SEMA6D: variants seen among roughly 807,000 people sequenced by gnomAD.
SEMA6D encodes semaphorin-6D.
A neutral mutation model predicts 106.6 loss-of-function variants in SEMA6D; 35 were observed. The observed-to-expected ratio is 0.33, with a 90% CI of 0.25 to 0.44. The LOEUF (loss-of-function observed/expected upper bound fraction) is 0.44, where lower values mean the gene tolerates loss of function less well. Among genes scored for constraint, SEMA6D ranks in the 20% least tolerant of loss-of-function variants. The pLI, the probability that SEMA6D is intolerant of heterozygous loss-of-function variation, is 1.00. For synonymous variants in SEMA6D, 499 were observed against 487.7 expected (o/e 1.02, Z -0.31); for missense variants, 1,185 against 1,345.9 (o/e 0.88, Z 1.87).
intron 1 of SEMA6D, among the ~76,000 whole-genome samples, chr15:47,193,228 CAATATT>C (rs1157413392): frequency 4.6e-5 from 7 of 152,216 alleles, no homozygotes; most frequent in African/African-American, 1.4e-4. Context: ...ATAAAATTGA[CAATATT>C]AATACATATC....
intron 4 of SEMA6D, among the ~76,000 whole-genome samples, chr15:47,631,676 A>G (rs2077295629): frequency 6.6e-6 from 1 of 151,978 alleles, no homozygotes; most frequent in Non-Finnish European, 1.5e-5. Flanking sequence ...AGAAGCTGGA[A>G]TATCAAGGAA....
At chr15:47,289,335 A>C (rs1295519961) in intron 1 of SEMA6D, among the ~76,000 whole-genome samples, 2 of 141,290 alleles carry the variant, frequency 1.4e-5, no homozygotes, top group African/African-American at 5.2e-5. Flanking sequence ...CGGAGGTTTC[A>C]GTGGGCCAAG....
At chr15:47,299,090 T>A (rs986634132) in intron 1 of SEMA6D, among the ~76,000 whole-genome samples, 8 of 152,080 alleles carry the variant, frequency 5.3e-5, no homozygotes, top group Admixed American at 5.2e-4. Flanking sequence ...GCGGGAAGGC[T>A]GGGATGGCAG....
intron 2 of SEMA6D, among the ~76,000 whole-genome samples, chr15:47,465,720 C>T (rs2042637867): frequency 6.6e-6 from 1 of 152,132 alleles, no homozygotes; most frequent in Non-Finnish European, 1.5e-5. Flanking sequence ...TTTCTCTTTG[C>T]CTTCTACCAT....
At chr15:47,437,623 A>G (rs1345337672) in intron 2 of SEMA6D, among the ~76,000 whole-genome samples, 2 of 152,134 alleles carry the variant, frequency 1.3e-5, no homozygotes, top group African/African-American at 4.8e-5. Flanking sequence ...CTCTCACCTT[A>G]GATACCAACC....
chr15:47,451,322 A>G (rs1345069836), intron 2 of SEMA6D, among the ~76,000 whole-genome samples: 1 of 152,024 alleles, frequency 6.6e-6, no homozygotes, highest in Non-Finnish European at 1.5e-5. Context: ...AGCTTCCTCA[A>G]AGAGGCCTGT....
intron 1 of SEMA6D, among the ~76,000 whole-genome samples, chr15:47,354,415 A>G (rs1487366042): frequency 1.4e-5 from 2 of 147,716 alleles, no homozygotes; most frequent in South Asian, 2.1e-4. Context: ...ATGAGAGAGC[A>G]TATACATATA....
chr15:47,566,028 T>A (rs552920494), intron 3 of SEMA6D, among the ~76,000 whole-genome samples: 1 of 152,324 alleles, frequency 6.6e-6, no homozygotes, highest in Admixed American at 6.5e-5. Context: ...TATACAGGGA[T>A]ATAGGCCTTC....
rs550914053 is a variant in SEMA6D, at chr15:47,482,684, G to A, written c.-87+12139G>A. Among the ~76,000 whole-genome samples the A allele has an allele frequency of 3.3e-5, 5 of 152,262 alleles. No homozygotes were observed. The South Asian group carries it at 1.0e-3, about 32-fold the overall frequency. The stretch of plus-strand genomic sequence containing the variant: ...TGAGGAAAAATGATGAGTAGGAAAT[G>A]AGTGAAACGTAGAAAGCTAAGCGAC... On this transcript the variant is annotated intron_variant, in intron 3 of 19. Coordinates refer to the SEMA6D transcript ENST00000558014.
intron 1 of SEMA6D, among the ~76,000 whole-genome samples, chr15:47,338,367 C>A (rs2037659359): frequency 6.6e-6 from 1 of 152,134 alleles, no homozygotes. Flanking sequence ...GAGACCACTT[C>A]TGTTTTTGGA....
At chr15:47,376,844 C>T (rs564361081) in intron 1 of SEMA6D, among the ~76,000 whole-genome samples, 54 of 152,112 alleles carry the variant, frequency 3.6e-4, no homozygotes, top group Non-Finnish European at 1.6e-4. Flanking sequence ...ATTGTTCAGC[C>T]CCTTATTTTT....
chr15:47,682,146 C>A (rs2078367639), intron 4 of SEMA6D, among the ~76,000 whole-genome samples: 1 of 151,798 alleles, frequency 6.6e-6, no homozygotes, highest in African/African-American at 2.4e-5. Context: ...GACAATGGTG[C>A]ACAGCCTGAT....
chr15:47,513,517 G>A (rs1047954888), intron 3 of SEMA6D, among the ~76,000 whole-genome samples: 2 of 152,246 alleles, frequency 1.3e-5, no homozygotes, highest in Non-Finnish European at 1.5e-5. Flanking sequence ...GTAGAATGGA[G>A]CCATGTATTC....
chr15:47,388,647 T>G (rs1022318941), intron 1 of SEMA6D, among the ~76,000 whole-genome samples: 1 of 152,158 alleles, frequency 6.6e-6, no homozygotes, highest in Non-Finnish European at 1.5e-5. Context: ...ACATATCTCT[T>G]GTGAATAAGG....
chr15:47,476,280 A>G (rs910015363), intron 3 of SEMA6D, among the ~76,000 whole-genome samples: 1 of 152,194 alleles, frequency 6.6e-6, no homozygotes, highest in Non-Finnish European at 1.5e-5. Context: ...GGGAAGGGAT[A>G]TGTTTATCTT....
chr15:47,352,977 A>G (rs73403005), intron 1 of SEMA6D, among the ~76,000 whole-genome samples: 19,884 of 152,158 alleles, frequency 0.13, 1,498 homozygotes, highest in Middle Eastern at 0.27. Context: ...GTGATCCTCT[A>G]TACAAATGTT....
At chr15:47,304,185 G>A (rs927269553) in intron 1 of SEMA6D, among the ~76,000 whole-genome samples, 1 of 151,966 alleles carries the variant, frequency 6.6e-6, no homozygotes, top group East Asian at 1.9e-4. Context: ...TTTCTTAGCC[G>A]GGCACAGTGG....
intron 3 of SEMA6D, among the ~76,000 whole-genome samples, chr15:47,516,109 A>AT (rs1167243186): frequency 6.6e-6 from 1 of 152,146 alleles, no homozygotes; most frequent in African/African-American, 2.4e-5. Context: ...GCCATGTGGA[A>AT]TGGATGGCTT....
chr15:47,423,527 A>C (rs1567069411), intron 2 of SEMA6D, among the ~76,000 whole-genome samples: 1 of 152,152 alleles, frequency 6.6e-6, no homozygotes, highest in Non-Finnish European at 1.5e-5. Context: ...CCTAGTTCTC[A>C]TCAAAGAAAC....
Sources: allele counts gnomAD v4.1 joint callset (sites outside exome capture counted in the v4.1 genomes callset), GRCh38; gene constraint gnomAD v4.1.1; transcripts MANE v1.5; gene names NCBI Gene and HGNC (gene_info 2026-07-23, HGNC 2026-07-21).